Variants in COL25A1 observed in about 807,000 individuals in gnomAD.
COL25A1 encodes the protein collagen alpha-1(XXV) chain.
In COL25A1, 103 loss-of-function variants were observed where a neutral mutation model predicts 128.4. That is an observed-to-expected ratio of 0.80 (90% CI 0.68 to 0.94). The LOEUF (loss-of-function observed/expected upper bound fraction) is 0.94. COL25A1 is among the 40% of genes least tolerant of loss of function. The pLI is 0.00. For synonymous variants in COL25A1, 279 were observed against 277.2 expected (o/e 1.01, Z -0.06); for missense variants, 745 against 840.0 (o/e 0.89, Z 1.40).
At position 109,119,960 on chromosome 4, in the gene COL25A1, G is replaced by C. The variant is rs545784811; in HGVS notation, c.368-69781C>G. 5.9e-5 allele frequency among the ~76,000 whole-genome samples: 9 copies of C among 152,176 alleles called. No individual in the cohort carries two copies. In the South Asian group the frequency reaches 1.9e-3, roughly 32 times the overall value. On this transcript the variant is annotated intron_variant, in intron 3 of 37. Transcript: ENST00000399132. ...CAAAACCAACTAGAAGTTATCCCCA[G>C]TATGCAAGGCTGGCTCCATATTTAA... is the stretch of plus-strand genomic sequence containing the variant.
At chr4:109,250,313 T>A (rs1281533334) in intron 3 of COL25A1, among the ~76,000 whole-genome samples, 2 of 144,350 alleles carry the variant, frequency 1.4e-5, no homozygotes, top group African/African-American at 5.3e-5. Context: ...GGGGGGGAGG[T>A]AAACTTACTA....
intron 16 of COL25A1, among the ~76,000 whole-genome samples, chr4:108,891,176 C>G (rs936331026): frequency 6.6e-6 from 1 of 151,872 alleles, no homozygotes; most frequent in African/African-American, 2.4e-5. Context: ...GGTTAATTGT[C>G]AAGGATCAAA....
intron 3 of COL25A1, among the ~76,000 whole-genome samples, chr4:109,232,530 T>C (rs1194263741): frequency 6.6e-6 from 1 of 152,172 alleles, no homozygotes; most frequent in African/African-American, 2.4e-5. Flanking sequence ...TTTGTGTAGC[T>C]ACCAAGAAAG....
intron 3 of COL25A1, among the ~76,000 whole-genome samples, chr4:109,119,725 T>C (rs1436804418): frequency 2.6e-5 from 4 of 151,952 alleles, no homozygotes; most frequent in Admixed American, 6.6e-5. Flanking sequence ...GTATATCAAT[T>C]CTCTAAAAAG....
chr4:109,180,322 T>C (rs534473102), intron 3 of COL25A1, among the ~76,000 whole-genome samples: 4 of 152,288 alleles, frequency 2.6e-5, no homozygotes, highest in African/African-American at 7.2e-5. Context: ...GTTAAATGCA[T>C]AAAAATTCAG....
At chr4:108,986,058 T>C (rs1023165502) in intron 6 of COL25A1, among the ~76,000 whole-genome samples, 4 of 152,246 alleles carry the variant, frequency 2.6e-5, no homozygotes, top group Non-Finnish European at 5.9e-5. Flanking sequence ...CTTAATCTAT[T>C]GCCAAGTCCT....
chr4:108,883,773 G>C (rs142509499), intron 19 of COL25A1, among the ~76,000 whole-genome samples: 1 of 152,164 alleles, frequency 6.6e-6, no homozygotes, highest in African/African-American at 2.4e-5. Context: ...ATTATAATGA[G>C]TGAATCACAA....
chr4:108,880,132 T>C (rs2125828735), intron 19 of COL25A1, among the ~76,000 whole-genome samples: 1 of 152,266 alleles, frequency 6.6e-6, no homozygotes, highest in South Asian at 2.1e-4. Context: ...TTATGAAAAA[T>C]GTCTTGGGTT....
At chr4:108,971,323 C>T (rs890726693) in intron 8 of COL25A1, among the ~76,000 whole-genome samples, 1 of 151,962 alleles carries the variant, frequency 6.6e-6, no homozygotes, top group African/African-American at 2.4e-5. Flanking sequence ...GGGGTATGAA[C>T]AAGACAGAGA....
rs561894916 is a variant in COL25A1, at chr4:108,884,305, G to A, written c.976-83C>T. On this transcript the variant is annotated intron_variant, in intron 18 of 37. Transcript: ENST00000399132. ...GAGAAAAACATGGCAAATGTTCCTG[G>A]CTCAATACTTTCTGCAAAGATAAAT... 10 of 1,248,742 alleles carry A rather than the reference G, an allele frequency of 8.0e-6. No homozygotes were observed. The African/African-American group carries it at 1.2e-4, about 15-fold the overall frequency. 77.4% of individuals were successfully genotyped at this position (1,248,742 alleles called of 1,614,324 possible).
intron 3 of COL25A1, among the ~76,000 whole-genome samples, chr4:109,192,535 C>G (rs1417877411): frequency 6.6e-6 from 1 of 152,082 alleles, no homozygotes; most frequent in Non-Finnish European, 1.5e-5. Flanking sequence ...GGGCTTTAAT[C>G]CAACTGGAGT....
intron 3 of COL25A1, among the ~76,000 whole-genome samples, chr4:109,158,528 G>T (rs4956248): frequency 0.67 from 101,126 of 152,062 alleles, 33,905 homozygotes; most frequent in East Asian, 0.75. Context: ...AAAAAACTAT[G>T]AAGTATCTAC....
intron 3 of COL25A1, among the ~76,000 whole-genome samples, chr4:109,204,785 C>CA (rs534863668): frequency 1.3e-5 from 2 of 151,956 alleles, no homozygotes; most frequent in African/African-American, 2.4e-5. Flanking sequence ...CTACCAAAGA[C>CA]AAAAAAATGG....
rs115222421 is a variant in COL25A1 at position 108,923,736 on chromosome 4, G to A, written c.709-3132C>T. 2.3e-3 allele frequency among the ~76,000 whole-genome samples: 357 copies of A among 152,210 alleles called. 2 individuals carry two copies. Among genetic ancestry groups the A allele is most frequent in the African/African-American group, 8.2e-3 (340 of 41,540 alleles). ...TAAATTCATTATTCACTAGTTAAAC[G>A]AATGCTGATTATTCCCAAAATTAAA... On this transcript the variant is annotated intron_variant, in intron 11 of 37. Transcript: ENST00000399132.
At chr4:109,035,656 G>A (rs1759269135) in intron 5 of COL25A1, among the ~76,000 whole-genome samples, 1 of 152,046 alleles carries the variant, frequency 6.6e-6, no homozygotes, top group Admixed American at 6.5e-5. Flanking sequence ...TGAATAGGAA[G>A]AGGTTTCCCA....
chr4:108,960,413 C>G (rs1750553252), intron 8 of COL25A1, among the ~76,000 whole-genome samples: 1 of 151,836 alleles, frequency 6.6e-6, no homozygotes, highest in African/African-American at 2.4e-5. Context: ...GCCATGTTAC[C>G]AAAGACAAAA....
intron 3 of COL25A1, among the ~76,000 whole-genome samples, chr4:109,219,468 C>G (rs1408570434): frequency 3.3e-5 from 5 of 151,970 alleles, no homozygotes; most frequent in Admixed American, 3.3e-4. Context: ...TTAGTCTGTA[C>G]CCTATGTTCC....
chr4:109,203,490 A>T (rs1776733258), intron 3 of COL25A1, among the ~76,000 whole-genome samples: 1 of 152,066 alleles, frequency 6.6e-6, no homozygotes, highest in South Asian at 2.1e-4. Context: ...GAGGAAGGAG[A>T]AACAAAAGGA....
chr4:108,913,872 A>G (rs1744554208), intron 13 of COL25A1, among the ~76,000 whole-genome samples: 1 of 152,188 alleles, frequency 6.6e-6, no homozygotes, highest in African/African-American at 2.4e-5. Context: ...TAATTGACCA[A>G]TATTCAAATA....
Sources: allele counts gnomAD v4.1 joint callset (sites outside exome capture counted in the v4.1 genomes callset), GRCh38; gene constraint gnomAD v4.1.1; transcripts MANE v1.5; gene names NCBI Gene and HGNC (gene_info 2026-07-23, HGNC 2026-07-21).